Variants in CCDC197 observed in about 807,000 individuals in gnomAD.
CCDC197 encodes coiled-coil domain containing 197.
Under a neutral mutation model 13.4 loss-of-function variants are expected in CCDC197, and 24 were observed. That is an observed-to-expected ratio of 1.80 (90% confidence interval 1.30 to 2.53). The LOEUF is 2.53. Among genes scored for constraint, CCDC197 ranks in the 30% most tolerant of loss-of-function variants. The pLI is 0.00. For synonymous variants in CCDC197, 99 were observed against 55.5 expected (o/e 1.78, Z -3.48); for missense variants, 255 against 148.8 (o/e 1.71, Z -3.71).
chr14:94,009,605 T>C (rs531161570), downstream of CCDC197, among the ~76,000 whole-genome samples: 8 of 152,248 alleles, frequency 5.3e-5, no homozygotes, highest in Non-Finnish European at 1.0e-4. Flanking sequence ...GGCACACACC[T>C]GTGATTCCAG....
At chr14:94,002,086 A>T (rs1001221993) in intron 4 of CCDC197, among the ~76,000 whole-genome samples, 2 of 152,132 alleles carry the variant, frequency 1.3e-5, no homozygotes, top group African/African-American at 4.8e-5. Flanking sequence ...TCACGCCAGC[A>T]CCTCTAGGTA....
chr14:94,009,894 T>G (rs1890779829), downstream of CCDC197, among the ~76,000 whole-genome samples: 1 of 152,216 alleles, frequency 6.6e-6, no homozygotes, highest in Non-Finnish European at 1.5e-5. Context: ...CCAAAAATAA[T>G]TCAGCTCTAG....
Position 94,003,680 on chromosome 14 carries a change from C to T in CCDC197, c.498+326C>T, listed in dbSNP as rs947109391. Among the ~76,000 whole-genome samples, 28 of 152,050 alleles carry T rather than the reference C, an allele frequency of 1.8e-4. No homozygotes were observed. Among genetic ancestry groups the T allele is most frequent in the African/African-American group, 6.7e-4 (28 of 41,486 alleles). On this transcript the variant is annotated intron_variant, in intron 5 of 6. Transcript: ENST00000636493. This position sits in a 1 kb window ranked among gnomAD's most constrained non-coding sequence, Gnocchi z 5.0. Reference sequence around the variant, plus strand: ...ACACAGACACATACACACACAAAGACACATGCAGAGACATACATAGAGACA... The same window carrying T: ...ACACAGACACATACACACACAAAGATACATGCAGAGACATACATAGAGACA...
chr14:94,006,375 CAG>C (rs969579421), intron 6 of CCDC197, among the ~76,000 whole-genome samples: 1 of 148,766 alleles, frequency 6.7e-6, no homozygotes, highest in African/African-American at 2.5e-5. Flanking sequence ...TTTTTTGAGA[CAG>C]AGTCTCACTC....
upstream of CCDC197, among the ~76,000 whole-genome samples, chr14:93,994,403 G>A (rs960750781): frequency 6.6e-6 from 1 of 152,138 alleles, no homozygotes; most frequent in Admixed American, 6.5e-5. Flanking sequence ...ATGGAGCAGT[G>A]CTACCACCAC....
chr14:94,010,436 T>A (rs1034084352), downstream of CCDC197, among the ~76,000 whole-genome samples: 4 of 152,218 alleles, frequency 2.6e-5, no homozygotes, highest in Non-Finnish European at 5.9e-5. Flanking sequence ...ACTCCTGACC[T>A]CAGGTGATCC....
rs1454600920 is a variant in CCDC197, at chr14:94,003,391, G to A, written c.498+37G>A. Reference sequence around the variant, plus strand: ...CTTTCAGCCTGGGGGTGGGGTTAGGGGTGGGGAAGGGGAAGCTGATGTCTC... The same window carrying A: ...CTTTCAGCCTGGGGGTGGGGTTAGGAGTGGGGAAGGGGAAGCTGATGTCTC... On this transcript the variant is annotated intron_variant, in intron 5 of 6. Coordinates refer to ENST00000636493, the MANE Select transcript of CCDC197 (RefSeq NM_001351596.2). This position sits in a 1 kb window ranked among gnomAD's most constrained non-coding sequence, Gnocchi z 5.0. 6 of 698,174 alleles carry A rather than the reference G, an allele frequency of 8.6e-6. No individual in the cohort carries two copies. In the Admixed American group the frequency reaches 1.0e-4, roughly 12 times the overall value. 43.2% of individuals were successfully genotyped at this position (698,174 alleles called of 1,614,324 possible).
rs1890631868 is a variant in CCDC197 at position 94,004,755 on chromosome 14, C to G, written c.499-100C>G. On this transcript the variant is annotated intron_variant, in intron 5 of 6. Coordinates refer to ENST00000636493, the MANE Select transcript of CCDC197 (RefSeq NM_001351596.2). ...GAGAAGGACACTCCCAGTGTCCCAG[C>G]TCTGTCCACGACACTTCGCTGGCTG... The G allele has an allele frequency of 1.7e-5, 11 of 649,018 alleles. No individual in the cohort carries two copies. In the South Asian group the frequency reaches 1.9e-4, roughly 11 times the overall value. 40.2% of individuals were successfully genotyped at this position (649,018 alleles called of 1,614,324 possible).
chr14:94,006,290 G>A (rs1008927448), intron 6 of CCDC197, among the ~76,000 whole-genome samples: 7 of 151,976 alleles, frequency 4.6e-5, no homozygotes, highest in African/African-American at 1.5e-4. Flanking sequence ...TATTGGCCAT[G>A]TGTATCTCTC....
intron 3 of CCDC197, among the ~76,000 whole-genome samples, chr14:94,000,516 C>G (rs1284817421): frequency 1.3e-5 from 2 of 152,152 alleles, no homozygotes; most frequent in Non-Finnish European, 2.9e-5. Flanking sequence ...AGGAGAATGA[C>G]CCTCAGGCAG....
chr14:94,010,054 C>T (rs749499044), downstream of CCDC197, among the ~76,000 whole-genome samples: 8 of 152,116 alleles, frequency 5.3e-5, no homozygotes, highest in Non-Finnish European at 1.0e-4. Flanking sequence ...CTCGAAAGCC[C>T]GCTTGACTCC....
intron 1 of CCDC197, among the ~76,000 whole-genome samples, chr14:93,988,412 A>G (rs1201598488): frequency 2.8e-5 from 2 of 72,046 alleles, no homozygotes; most frequent in East Asian, 4.5e-4. Flanking sequence ...TGGGAAGAGT[A>G]GATGGGAGGA....
intron 4 of CCDC197, among the ~76,000 whole-genome samples, chr14:94,002,273 TTTCTTTCTTTCC>T (rs1257805175): frequency 1.3e-5 from 2 of 152,156 alleles, no homozygotes; most frequent in South Asian, 4.2e-4. Flanking sequence ...CCTCTCTCTC[TTTCTTTCTTTCC>T]TTCTTTCTTT....
upstream of CCDC197, among the ~76,000 whole-genome samples, chr14:93,992,947 T>C (rs2141341009): frequency 6.6e-6 from 1 of 152,116 alleles, no homozygotes; most frequent in South Asian, 2.1e-4. Context: ...GTGCTAGAAA[T>C]GGAAGGAGGG....
upstream of CCDC197, among the ~76,000 whole-genome samples, chr14:93,994,487 A>G (rs8004008): frequency 0.16 from 24,576 of 152,054 alleles, 3,217 homozygotes; most frequent in East Asian, 0.61. Flanking sequence ...CCGTGATAGG[A>G]CTCAATCCCT....
At chr14:93,994,830 G>T (rs912759273), upstream of CCDC197, among the ~76,000 whole-genome samples, 2 of 152,182 alleles carry the variant, frequency 1.3e-5, no homozygotes, top group Non-Finnish European at 2.9e-5. Context: ...ACTGTCCCCA[G>T]TGAAGGTCCC....
At chr14:93,991,863 A>G (rs1890217335) in intron 1 of CCDC197, among the ~76,000 whole-genome samples, 1 of 152,220 alleles carries the variant, frequency 6.6e-6, no homozygotes, top group South Asian at 2.1e-4. Flanking sequence ...AGGAAGGAGA[A>G]CAGAAAAGCC....
At chr14:93,988,281 T>G (rs1202250483) in intron 1 of CCDC197, among the ~76,000 whole-genome samples, 22 of 16,440 alleles carry the variant, frequency 1.3e-3, no homozygotes, top group South Asian at 2.7e-3. Flanking sequence ...GAGGAAAGGA[T>G]GGAGGAGGGG....
intron 4 of CCDC197, chr14:94,001,764 T>G (rs1890519296): frequency 6.5e-6 from 1 of 154,180 alleles, no homozygotes; most frequent in Non-Finnish European, 1.5e-5. Context: ...TCCTTTGTAG[T>G]TATCGCATAA....
Sources: gnomAD v4.1 joint callset for allele counts (sites outside exome capture counted in the v4.1 genomes callset) on GRCh38, gnomAD v4.1.1 for gene constraint, Gnocchi (gnomAD v3.1) non-coding constraint, MANE v1.5 for transcripts, NCBI Gene and HGNC (gene_info 2026-07-23, HGNC 2026-07-21) for gene names.